TCF20: variants seen among roughly 807,000 people sequenced by gnomAD.
TCF20 encodes SPRE-binding protein.
In TCF20, 3 loss-of-function variants were observed where a neutral mutation model predicts 148.6. The observed-to-expected ratio is 0.02, with a 90% CI of 0.01 to 0.05. The LOEUF is 0.05. TCF20 is among the 10% of genes least tolerant of loss of function. The probability of loss-of-function intolerance (pLI) is 1.00; values close to 1 mark genes in which losing one functional copy is unlikely to be tolerated. For missense variants in TCF20, 2,350 were observed against 2,429.3 expected, an observed-to-expected ratio of 0.97 and a Z score of 0.69; for synonymous variants, 1,049 against 909.5, an observed-to-expected ratio of 1.15 and a Z score of -2.76.
intron 1 of TCF20, among the ~76,000 whole-genome samples, chr22:42,252,951 A>G (rs1431026894): frequency 6.6e-6 from 1 of 152,118 alleles, no homozygotes; most frequent in Non-Finnish European, 1.5e-5. Flanking sequence ...ACAAAAATAA[A>G]ATATTATGAA....
chr22:42,302,891 T>G (rs1330559600), intron 1 of TCF20, among the ~76,000 whole-genome samples: 1 of 152,218 alleles, frequency 6.6e-6, no homozygotes, highest in East Asian at 1.9e-4. Context: ...ACGGGTTTAA[T>G]AGATGCTGGG....
rs201100008 is a variant in TCF20 at position 42,215,047 on chromosome 22, C to T, written c.259G>A (p.Gly87Arg). The T allele has an allele frequency of 7.4e-6, 12 of 1,614,196 alleles. No homozygotes were observed. The East Asian group carries it at 2.7e-4, about 36-fold the overall frequency. Residue 87 changes from glycine (G) to arginine (R), a missense_variant, in exon 2 of 6, where the codon GGA becomes AGA. This residue lies in a region of TCF20 where 1,641 missense variants were observed against 1,662.6 expected (regional missense o/e 0.99). Transcript: ENST00000677622. ...QGYQGFRKEA[G>R]DFYYMAGNKD... ...TTGCCTGCCATGTAGTAAAAATCTC[C>T]AGCCTCTTTCCTGAAACCCTGGTAA...
intron 5 of TCF20, among the ~76,000 whole-genome samples, chr22:42,161,978 T>TTC (rs1226774902): frequency 1.3e-5 from 1 of 76,716 alleles, no homozygotes; most frequent in Non-Finnish European, 2.8e-5. Flanking sequence ...CAGTCTTTTT[T>TTC]TTTTTTTTTT....
intron 2 of TCF20, among the ~76,000 whole-genome samples, chr22:42,203,452 G>C (rs888254571): frequency 1.3e-5 from 2 of 152,118 alleles, no homozygotes; most frequent in Non-Finnish European, 2.9e-5. Context: ...AATTTGTCAT[G>C]ATTTATTCTG....
intron 1 of TCF20, among the ~76,000 whole-genome samples, chr22:42,312,617 G>C (rs1168810670): frequency 1.3e-5 from 2 of 152,130 alleles, no homozygotes; most frequent in African/African-American, 4.8e-5. Flanking sequence ...ATTCCCCAGG[G>C]TGTGGAGTGG....
At chr22:42,229,076 C>T (rs1349974408) in intron 1 of TCF20, among the ~76,000 whole-genome samples, 1 of 151,942 alleles carries the variant, frequency 6.6e-6, no homozygotes, top group East Asian at 1.9e-4. Flanking sequence ...TCCCTGCAAT[C>T]ACTCTATCAT....
chr22:42,321,327 G>A (rs2147049767), intron 1 of TCF20, among the ~76,000 whole-genome samples: 1 of 152,324 alleles, frequency 6.6e-6, no homozygotes, highest in South Asian at 2.1e-4. Flanking sequence ...GCAGGGACTG[G>A]AAGGAAGAAG....
intron 1 of TCF20, among the ~76,000 whole-genome samples, chr22:42,308,832 G>A (rs559657360): frequency 2.0e-5 from 3 of 152,238 alleles, no homozygotes; most frequent in Admixed American, 1.3e-4. Context: ...CCTGTCGCTG[G>A]CCAGGTGATC....
upstream of TCF20, among the ~76,000 whole-genome samples, chr22:42,284,769 G>A (rs1173481897): frequency 6.6e-6 from 1 of 152,200 alleles, no homozygotes; most frequent in Non-Finnish European, 1.5e-5. Flanking sequence ...AGCAGCGTCC[G>A]TTCCGAGGGG....
At chr22:42,323,788 C>A (rs974693260) in intron 1 of TCF20, among the ~76,000 whole-genome samples, 15 of 149,740 alleles carry the variant, frequency 1.0e-4, no homozygotes, top group Non-Finnish European at 7.5e-5. Context: ...ACCTACTTTC[C>A]AAGGCTGTGA....
At chr22:42,294,542 C>T (rs940563866) in intron 1 of TCF20, among the ~76,000 whole-genome samples, 2 of 151,978 alleles carry the variant, frequency 1.3e-5, no homozygotes, top group Admixed American at 6.6e-5. Context: ...CTCCCAGCTC[C>T]GGGAGAGGGC....
chr22:42,332,532 G>A (rs1394026037), intron 1 of TCF20, among the ~76,000 whole-genome samples: 1 of 152,056 alleles, frequency 6.6e-6, no homozygotes, highest in Non-Finnish European at 1.5e-5. Flanking sequence ...GCGGAGTCTC[G>A]CTCTGTTGTT....
At chr22:42,315,241 T>TTCTCCCACC (rs1682658557) in intron 1 of TCF20, among the ~76,000 whole-genome samples, 1 of 151,830 alleles carries the variant, frequency 6.6e-6, no homozygotes, top group African/African-American at 2.4e-5. Context: ...CCTGAAGCAA[T>TTCTCCCACC]GAAAAGTGGG....
At chr22:42,238,641 C>A (rs1924094674) in intron 1 of TCF20, among the ~76,000 whole-genome samples, 1 of 152,156 alleles carries the variant, frequency 6.6e-6, no homozygotes, top group African/African-American at 2.4e-5. Flanking sequence ...TGGTCATGAT[C>A]AGGTTATTAA....
intron 5 of TCF20, among the ~76,000 whole-genome samples, chr22:42,168,341 C>G (rs1009735805): frequency 3.5e-4 from 53 of 152,322 alleles, no homozygotes; most frequent in African/African-American, 1.3e-3. Flanking sequence ...ACTCACAAGG[C>G]CACCCCTGGC....
At chr22:42,310,725 G>A (rs8139941) in intron 1 of TCF20, among the ~76,000 whole-genome samples, 84,613 of 152,006 alleles carry the variant, frequency 0.56, 24,194 homozygotes, top group African/African-American at 0.68. Context: ...GCAATGGGTG[G>A]CCAGGCCAGG....
chr22:42,293,986 G>A (rs1927180185), intron 1 of TCF20, among the ~76,000 whole-genome samples: 1 of 152,198 alleles, frequency 6.6e-6, no homozygotes, highest in African/African-American at 2.4e-5. Context: ...GGCCACAAAG[G>A]GAGACTCCGT....
intron 3 of TCF20, among the ~76,000 whole-genome samples, chr22:42,178,040 A>G (rs1057410206): frequency 6.6e-6 from 1 of 152,140 alleles, no homozygotes; most frequent in Non-Finnish European, 1.5e-5. Context: ...ATAATTGATT[A>G]TGCCTACATG....
At chr22:42,295,231 G>GT (rs1306629657) in intron 1 of TCF20, among the ~76,000 whole-genome samples, 5 of 152,076 alleles carry the variant, frequency 3.3e-5, no homozygotes, top group East Asian at 1.9e-4. Flanking sequence ...GCATACAGCT[G>GT]CCCCTGCACC....
Sources: gnomAD v4.1 joint callset for allele counts (sites outside exome capture counted in the v4.1 genomes callset) on GRCh38, gnomAD v4.1.1 for gene constraint, gnomAD v4.1.1 regional missense constraint, MANE v1.5 for transcripts, NCBI Gene and HGNC (gene_info 2026-07-23, HGNC 2026-07-21) for gene names.